The following DOCK11 variants were observed in gnomAD, a reference collection of about 807,000 sequenced individuals.
DOCK11 encodes the protein dedicator of cytokinesis protein 11.
A neutral mutation model predicts 169.1 loss-of-function variants in DOCK11; 70 were observed. The ratio of observed to expected loss-of-function variants is 0.41; its 90% CI spans 0.34 to 0.51. The LOEUF (loss-of-function observed/expected upper bound fraction) is 0.51. Ranked by LOEUF, DOCK11 falls within the 20% of genes least tolerant of loss-of-function variation. The probability of loss-of-function intolerance (pLI) is 0.10; values close to 1 mark genes in which losing one functional copy is unlikely to be tolerated. For missense variants in DOCK11, 1,166 were observed against 1,538.8 expected (o/e 0.76, Z 4.05); for synonymous variants, 529 against 541.3 (o/e 0.98, Z 0.32).
chrX:118,538,709 T>C, intron 1 of DOCK11: 2 of 745,324 alleles, frequency 2.7e-6, no homozygotes, highest in Non-Finnish European at 3.2e-6. Context: ...TACCATTTAT[T>C]GTAACGGGTT....
At chrX:118,532,481 A>G (rs927165056) in intron 1 of DOCK11, among the ~76,000 whole-genome samples, 3 of 110,448 alleles carry the variant, frequency 2.7e-5, no homozygotes, top group Non-Finnish European at 5.7e-5. Flanking sequence ...AAGAAAACCC[A>G]GTTGAAGAAG....
chrX:118,524,539 A>G (rs1349328393), intron 1 of DOCK11, among the ~76,000 whole-genome samples: 1 of 111,699 alleles, frequency 9.0e-6, no homozygotes, highest in Non-Finnish European at 1.9e-5. Flanking sequence ...TAATGCAACA[A>G]CAACAACAAA....
At chrX:118,645,593 C>T (rs1167706149) in intron 40 of DOCK11, among the ~76,000 whole-genome samples, 2 of 109,073 alleles carry the variant, frequency 1.8e-5, no homozygotes, top group Non-Finnish European at 1.9e-5. Flanking sequence ...ACTCAGGAGG[C>T]GGAGGTTGCA....
At chrX:118,574,724 GAGT>G (rs1276544629) in intron 12 of DOCK11, among the ~76,000 whole-genome samples, 3 of 112,307 alleles carry the variant, frequency 2.7e-5, no homozygotes, top group Non-Finnish European at 3.8e-5. Context: ...TGTCCATTAT[GAGT>G]AGGTCATTTG....
At chrX:118,639,327 T>G in intron 37 of DOCK11, 108 bp from the exon 38 acceptor site, 1 of 769,031 alleles carries the variant, frequency 1.3e-6, no homozygotes, top group Non-Finnish European at 1.8e-6. Context: ...AATCCTTGAG[T>G]GTACTACTAT....
chrX:118,562,165 CA>C (rs759661279), intron 7 of DOCK11, among the ~76,000 whole-genome samples: 1,150 of 75,107 alleles, frequency 0.015, 6 homozygotes, highest in African/African-American at 0.048. Context: ...GACTCCATCA[CA>C]AAAAAAAAAA....
intron 6 of DOCK11, among the ~76,000 whole-genome samples, chrX:118,552,098 C>T (rs1216827985): frequency 9.3e-6 from 1 of 107,994 alleles, no homozygotes; most frequent in Non-Finnish European, 1.9e-5. Context: ...GGAATCACAT[C>T]GTGAGAGAAA....
intron 1 of DOCK11, among the ~76,000 whole-genome samples, chrX:118,529,670 A>G (rs1377031627): frequency 1.8e-5 from 2 of 111,784 alleles, no homozygotes; most frequent in Non-Finnish European, 3.8e-5. Context: ...GCACCTTGGC[A>G]CCTCTGAAAT....
intron 6 of DOCK11, among the ~76,000 whole-genome samples, chrX:118,558,013 C>T (rs370614896): frequency 9.1e-5 from 9 of 99,074 alleles, no homozygotes; most frequent in Admixed American, 6.7e-4. Flanking sequence ...CTTGCTGTCT[C>T]GCCCAGGCTG....
Position 118,573,967 on chromosome X carries a change from C to T in DOCK11, c.1338C>T (p.Pro446=), listed in dbSNP as rs369445411. 21 of 1,211,727 alleles carry T rather than the reference C, an allele frequency of 1.7e-5. No individual in the cohort carries two copies. Among genetic ancestry groups the T allele is most frequent in the Non-Finnish European group, 2.2e-5 (20 of 895,499 alleles). Residue 446 remains proline, a synonymous_variant, in exon 12 of 53, where the codon CCC becomes CCT. Coordinates refer to ENST00000276202, the MANE Select transcript of DOCK11 (RefSeq NM_144658.4). ...ACGGTAGCCCAAAGGGCTCTTCACC[C>T]GAATCTTACATTCATGGAATTGCCG... is the stretch of plus-strand genomic sequence containing the variant. The part of the protein sequence containing the change: ...ASDGSPKGSS[P]ESYIHGIAES...
At chrX:118,541,943 C>T (rs779848683) in intron 1 of DOCK11, among the ~76,000 whole-genome samples, 1 of 111,330 alleles carries the variant, frequency 9.0e-6, no homozygotes, top group East Asian at 2.8e-4. Flanking sequence ...AGTATCTATG[C>T]CTGCCCTGGA....
intron 45 of DOCK11, among the ~76,000 whole-genome samples, chrX:118,666,338 A>G (rs868583826): frequency 7.1e-5 from 8 of 112,305 alleles, no homozygotes; most frequent in Middle Eastern, 9.2e-3. Context: ...GTATACACCC[A>G]TGTAACCTAC....
In DOCK11 at chrX:118,566,118, G is replaced by A; in HGVS notation, c.807G>A (p.Lys269=). Residue 269 remains lysine, a synonymous_variant, in exon 8 of 53, where the codon AAG becomes AAA. Transcript: ENST00000276202. ...EMEEWLITLK[K]IIQINTDSLV... The stretch of plus-strand genomic sequence containing the variant: ...AGGAATGGTTGATAACTTTGAAAAA[G>A]ATTATTCAGATCAACACCGACAGTT... 2.5e-6 allele frequency: 3 copies of A among 1,210,574 alleles called. No individual in the cohort carries two copies. Among genetic ancestry groups the A allele is most frequent in the Non-Finnish European group, 3.4e-6 (3 of 894,801 alleles).
chrX:118,538,126 G>T (rs754241003), intron 1 of DOCK11, among the ~76,000 whole-genome samples: 1 of 112,241 alleles, frequency 8.9e-6, no homozygotes, highest in East Asian at 2.8e-4. Flanking sequence ...GAAGATATTT[G>T]ATTTGAAGAA....
At chrX:118,602,276 T>G (rs2014367909) in intron 23 of DOCK11, among the ~76,000 whole-genome samples, 1 of 109,565 alleles carries the variant, frequency 9.1e-6, no homozygotes, top group African/African-American at 3.3e-5. Context: ...AAGAATTCAT[T>G]TACCATCCAC....
chrX:118,673,740 C>G (rs140914484), intron 46 of DOCK11, among the ~76,000 whole-genome samples: 122 of 111,114 alleles, frequency 1.1e-3, no homozygotes, highest in African/African-American at 3.6e-3. Flanking sequence ...GCACCCACCA[C>G]CTCTTTCTAG....
chrX:118,504,955 C>A, intron 1 of DOCK11, among the ~76,000 whole-genome samples: 1 of 112,637 alleles, frequency 8.9e-6, no homozygotes, highest in Middle Eastern at 4.6e-3. Flanking sequence ...TGACCTTGGG[C>A]CAATTATTTA....
In DOCK11 at chrX:118,578,602, T is replaced by C; in HGVS notation, c.1467T>C (p.Ile489=). The C allele has an allele frequency of 8.3e-7, 1 of 1,207,537 alleles. No individual in the cohort carries two copies. The highest frequency in any genetic ancestry group is 1.1e-6 in the Non-Finnish European group (1 of 892,130). Residue 489 remains isoleucine, a synonymous_variant, in exon 13 of 53, where the codon ATT becomes ATC. Transcript: ENST00000276202. The stretch of plus-strand genomic sequence containing the variant: ...TTGAAAAGGTACTACAGGGAAACAT[T>C]ACACACTGTGCAGAACCCTATATCA... ...ARIEKVLQGN[I]THCAEPYIKN... is the part of the protein sequence containing the mutation.
At chrX:118,610,699 A>G (rs2014661208) in intron 28 of DOCK11, among the ~76,000 whole-genome samples, 1 of 111,817 alleles carries the variant, frequency 8.9e-6, no homozygotes, top group African/African-American at 3.3e-5. Flanking sequence ...AGAAACCTCC[A>G]TAGAAGACAT....
Sources: allele counts gnomAD v4.1 joint callset (sites outside exome capture counted in the v4.1 genomes callset), GRCh38; gene constraint gnomAD v4.1.1; transcripts MANE v1.5; gene names NCBI Gene and HGNC (gene_info 2026-07-23, HGNC 2026-07-21).